CLDN16: variants seen among roughly 807,000 people sequenced by gnomAD.
The protein encoded by CLDN16 is claudin 16.
A neutral mutation model predicts 24.6 loss-of-function variants in CLDN16; 13 were observed. The ratio of observed to expected loss-of-function variants is 0.53; its 90% CI spans 0.34 to 0.84. CLDN16 has a LOEUF of 0.84. CLDN16 is among the 40% of genes least tolerant of loss of function. The pLI is 0.01. For missense variants in CLDN16, 298 were observed against 292.7 expected, an observed-to-expected ratio of 1.02 and a Z score of -0.13; for synonymous variants, 116 against 106.7, an observed-to-expected ratio of 1.09 and a Z score of -0.54.
intron 1 of CLDN16, among the ~76,000 whole-genome samples, chr3:190,348,105 A>AAT (rs1560084505): frequency 1.4e-5 from 2 of 146,284 alleles, no homozygotes; most frequent in African/African-American, 2.5e-5. Context: ...AAAAAAAAAA[A>AAT]ATTAGCTGGC....
chr3:190,338,512 G>A (rs1005742685), intron 1 of CLDN16, among the ~76,000 whole-genome samples: 1 of 152,188 alleles, frequency 6.6e-6, no homozygotes, highest in Non-Finnish European at 1.5e-5. Flanking sequence ...GACAAGTACA[G>A]CAATTATTGC....
chr3:190,342,639 G>A (rs1486401910), intron 1 of CLDN16, among the ~76,000 whole-genome samples: 1 of 152,098 alleles, frequency 6.6e-6, no homozygotes, highest in Non-Finnish European at 1.5e-5. Flanking sequence ...GGAACAGAAG[G>A]GAGAGTCCCA....
At chr3:190,299,950 G>A in the CLDN16 span, among the ~76,000 whole-genome samples, 1 of 152,138 alleles carries the variant, frequency 6.6e-6, no homozygotes, top group Admixed American at 6.5e-5. Flanking sequence ...CCATGAGAAC[G>A]GAAGCCATAC....
intron 1 of CLDN16, among the ~76,000 whole-genome samples, chr3:190,344,440 T>C (rs186082908): frequency 5.3e-5 from 8 of 151,954 alleles, no homozygotes; most frequent in Admixed American, 5.2e-4. Context: ...ATATAAACTG[T>C]TCTTAATTTT....
the CLDN16 span, among the ~76,000 whole-genome samples, chr3:190,304,128 G>C: frequency 3.3e-5 from 5 of 152,110 alleles, no homozygotes; most frequent in African/African-American, 4.8e-5. Context: ...CTTTGATTTG[G>C]GTGAGGCCTT....
At chr3:190,300,478 G>C in the CLDN16 span, among the ~76,000 whole-genome samples, 1 of 152,096 alleles carries the variant, frequency 6.6e-6, no homozygotes, top group Admixed American at 6.5e-5. Context: ...TAGCCCGTAG[G>C]CTAAAGCTGG....
At chr3:190,298,438 G>C in the CLDN16 span, among the ~76,000 whole-genome samples, 9 of 144,322 alleles carry the variant, frequency 6.2e-5, 1 homozygote, top group African/African-American at 2.1e-4. Context: ...CGTGCAATGT[G>C]TCCTTCTGGG....
upstream of CLDN16, among the ~76,000 whole-genome samples, chr3:190,318,645 G>A (rs1265506601): frequency 1.3e-5 from 2 of 152,188 alleles, no homozygotes; most frequent in African/African-American, 4.8e-5. Flanking sequence ...CTGATCTCAA[G>A]CCTGGATTTT....
In CLDN16 at chr3:190,361,387, G is replaced by T. The variant is rs558640432; in HGVS notation, n.122-9506G>T. On this transcript the variant is annotated intron_variant and non_coding_transcript_variant, in intron 1 of 4. Coordinates refer to the CLDN16 transcript ENST00000468220. ...TGCCTTTAACCTGTAAGCTGTTCTTGTTCATTCCTGAGCGTAGGCTGAACT... is the reference window on the plus strand; with the variant it reads ...TGCCTTTAACCTGTAAGCTGTTCTTTTTCATTCCTGAGCGTAGGCTGAACT... 2.6e-5 allele frequency among the ~76,000 whole-genome samples: 4 copies of T among 152,056 alleles called. No homozygotes were observed. In the East Asian group the frequency reaches 7.8e-4, roughly 30 times the overall value.
intron 2 of CLDN16, among the ~76,000 whole-genome samples, chr3:190,403,985 A>G (rs1311062065): frequency 1.3e-5 from 2 of 152,144 alleles, no homozygotes; most frequent in Non-Finnish European, 2.9e-5. Context: ...AAATATAATC[A>G]CTCATAAGCT....
At chr3:190,352,153 T>TA (rs1467006585) in intron 1 of CLDN16, among the ~76,000 whole-genome samples, 1 of 151,366 alleles carries the variant, frequency 6.6e-6, no homozygotes, top group African/African-American at 2.4e-5. Flanking sequence ...TTTTTTTTTT[T>TA]TAAAAAAAGA....
chr3:190,409,767 T>G, intron 4 of CLDN16, 136 bp from the exon 5 acceptor site: 2 of 803,308 alleles, frequency 2.5e-6, no homozygotes, highest in South Asian at 1.6e-5. Context: ...TCTAGGATTC[T>G]TCTTAGAGTT....
chr3:190,399,021 G>C (rs17504970), intron 1 of CLDN16, among the ~76,000 whole-genome samples: 28,209 of 152,096 alleles, frequency 0.19, 3,055 homozygotes, highest in Middle Eastern at 0.29. Context: ...TACACAGGAT[G>C]AGATAATCCT....
At chr3:190,363,556 G>GTGTGTGTGTGTGTGTGTATATATATA (rs1301414615) in intron 1 of CLDN16, among the ~76,000 whole-genome samples, 2 of 87,428 alleles carry the variant, frequency 2.3e-5, no homozygotes, top group African/African-American at 9.5e-5. Context: ...GTGTGTGTGT[G>GTGTGTGTGTGTGTGTGTATATATATA]TATATATATA....
At chr3:190,311,960 T>TG in the CLDN16 span, among the ~76,000 whole-genome samples, 7 of 2,904 alleles carry the variant, frequency 2.4e-3, no homozygotes, top group African/African-American at 0.019. Flanking sequence ...TTTTCTTTTT[T>TG]CTTTTTTTTT....
At chr3:190,291,071 C>T in the CLDN16 span, among the ~76,000 whole-genome samples, 1 of 152,096 alleles carries the variant, frequency 6.6e-6, no homozygotes, top group Non-Finnish European at 1.5e-5. Context: ...ATAATGAATG[C>T]TATGCGGAAC....
At chr3:190,395,515 T>C (rs1416165223) in intron 1 of CLDN16, among the ~76,000 whole-genome samples, 1 of 152,026 alleles carries the variant, frequency 6.6e-6, no homozygotes, top group Non-Finnish European at 1.5e-5. Context: ...AAATGCATTT[T>C]ATGTTAAAAT....
At chr3:190,380,909 A>G (rs1718357573) in intron 3 of CLDN16, among the ~76,000 whole-genome samples, 1 of 152,150 alleles carries the variant, frequency 6.6e-6, no homozygotes, top group African/African-American at 2.4e-5. Context: ...TATAAAATTA[A>G]CTGATGCAAG....
chr3:190,367,713 T>C (rs777129975), intron 1 of CLDN16, among the ~76,000 whole-genome samples: 1 of 151,998 alleles, frequency 6.6e-6, no homozygotes, highest in African/African-American at 2.4e-5. Flanking sequence ...TGGAACTCCA[T>C]GTAATTTATT....
Sources: gnomAD v4.1 joint callset for allele counts (sites outside exome capture counted in the v4.1 genomes callset) on GRCh38, gnomAD v4.1.1 for gene constraint, MANE v1.5 for transcripts, NCBI Gene and HGNC (gene_info 2026-07-23, HGNC 2026-07-21) for gene names.